STPG2: variants seen among roughly 807,000 people sequenced by gnomAD.
STPG2 encodes the protein sperm tail PG-rich repeat containing 2.
A neutral mutation model predicts 54.2 loss-of-function variants in STPG2; 56 were observed. That is an observed-to-expected ratio of 1.03 (90% CI 0.83 to 1.29). The LOEUF (loss-of-function observed/expected upper bound fraction) is 1.29. STPG2 is among the 50% of genes most tolerant of loss of function. The pLI, the probability that STPG2 is intolerant of heterozygous loss-of-function variation, is 0.00. For synonymous variants in STPG2, 200 were observed against 181.8 expected, an observed-to-expected ratio of 1.10 and a Z score of -0.81; for missense variants, 596 against 544.9, an observed-to-expected ratio of 1.09 and a Z score of -0.93.
intron 10 of STPG2, among the ~76,000 whole-genome samples, chr4:97,638,655 AC>A (rs1309081275): frequency 2.1e-5 from 3 of 142,958 alleles, no homozygotes; most frequent in African/African-American, 8.4e-5. Flanking sequence ...CAAGAAAAAA[AC>A]AAACAACCCC....
chr4:97,817,295 A>T (rs904351648), intron 9 of STPG2, among the ~76,000 whole-genome samples: 1 of 151,362 alleles, frequency 6.6e-6, no homozygotes, highest in African/African-American at 2.4e-5. Flanking sequence ...TCCTACTGGC[A>T]CTATGAACTA....
intron 10 of STPG2, among the ~76,000 whole-genome samples, chr4:97,562,157 G>T (rs1242456179): frequency 2.0e-5 from 3 of 151,962 alleles, no homozygotes; most frequent in Admixed American, 2.0e-4. Context: ...GGTCCTTCAC[G>T]TCCCTCGTAA....
intron 5 of STPG2, among the ~76,000 whole-genome samples, chr4:97,987,474 A>G (rs997785446): frequency 2.6e-5 from 4 of 152,190 alleles, no homozygotes; most frequent in African/African-American, 9.7e-5. Flanking sequence ...TTTTAACTAG[A>G]TACTTTATAA....
intron 5 of STPG2, among the ~76,000 whole-genome samples, chr4:98,071,438 C>A (rs1473048749): frequency 2.0e-5 from 3 of 148,782 alleles, no homozygotes; most frequent in Non-Finnish European, 4.5e-5. Context: ...TAAAGATTTA[C>A]ATGAAAACCC....
At chr4:97,709,888 A>T (rs182919939) in intron 10 of STPG2, among the ~76,000 whole-genome samples, 2 of 151,952 alleles carry the variant, frequency 1.3e-5, no homozygotes, top group African/African-American at 4.8e-5. Flanking sequence ...TTATGTCTAG[A>T]TAAAAATTAG....
At chr4:97,613,475 CGTGTGT>C (rs70953075) in intron 10 of STPG2, among the ~76,000 whole-genome samples, 7,877 of 142,272 alleles carry the variant, frequency 0.055, 297 homozygotes, top group East Asian at 0.13. Context: ...AGTCATCACC[CGTGTGT>C]GTGTGTGTGT....
At chr4:97,605,931 G>A (rs1733581497) in intron 10 of STPG2, among the ~76,000 whole-genome samples, 1 of 151,764 alleles carries the variant, frequency 6.6e-6, no homozygotes, top group Non-Finnish European at 1.5e-5. Flanking sequence ...CAAAGCCATG[G>A]CAATTTAATT....
chr4:97,870,615 T>C (rs1298968177), intron 8 of STPG2, among the ~76,000 whole-genome samples: 1 of 151,388 alleles, frequency 6.6e-6, no homozygotes, highest in African/African-American at 2.4e-5. Flanking sequence ...CAATCTACTA[T>C]GAAGATATAA....
chr4:97,602,936 C>G (rs1733501808), intron 10 of STPG2, among the ~76,000 whole-genome samples: 1 of 151,658 alleles, frequency 6.6e-6, no homozygotes, highest in South Asian at 2.1e-4. Context: ...CAATGTAGTT[C>G]TGTTACATTT....
chr4:98,027,295 G>A (rs1176891993), intron 5 of STPG2, among the ~76,000 whole-genome samples: 1 of 152,068 alleles, frequency 6.6e-6, no homozygotes, highest in African/African-American at 2.4e-5. Flanking sequence ...TCGTTAGGGG[G>A]ATATAATTCT....
chr4:97,821,235 G>A (rs1360579544), intron 9 of STPG2, among the ~76,000 whole-genome samples: 3 of 152,128 alleles, frequency 2.0e-5, no homozygotes, highest in Non-Finnish European at 4.4e-5. Flanking sequence ...ACACAAGTCT[G>A]AAGCCCAGCA....
chr4:97,587,158 A>C (rs1733021779), intron 10 of STPG2, among the ~76,000 whole-genome samples: 1 of 151,988 alleles, frequency 6.6e-6, no homozygotes, highest in Non-Finnish European at 1.5e-5. Flanking sequence ...GTGTTTAATA[A>C]ATATTTAGTA....
At chr4:97,951,744 T>C (rs552384921) in intron 7 of STPG2, among the ~76,000 whole-genome samples, 2 of 152,288 alleles carry the variant, frequency 1.3e-5, no homozygotes, top group South Asian at 4.1e-4. Context: ...CCCCATGATG[T>C]GTGCTTTTAA....
At chr4:97,672,119 A>T (rs548185470) in intron 10 of STPG2, among the ~76,000 whole-genome samples, 1 of 151,834 alleles carries the variant, frequency 6.6e-6, no homozygotes, top group Non-Finnish European at 1.5e-5. Context: ...TTTACATGGT[A>T]AAAAACTGTC....
chr4:97,825,467 A>G (rs1439462524), intron 9 of STPG2, among the ~76,000 whole-genome samples: 1 of 152,134 alleles, frequency 6.6e-6, no homozygotes, highest in Admixed American at 6.6e-5. Context: ...CTACTGAGAG[A>G]TAAGACTCCT....
At chr4:97,954,793 GT>G (rs1337153545) in intron 7 of STPG2, among the ~76,000 whole-genome samples, 2 of 152,094 alleles carry the variant, frequency 1.3e-5, no homozygotes, top group Non-Finnish European at 2.9e-5. Context: ...TCTTTACAAT[GT>G]TTTATATGCA....
chr4:97,763,491 A>G (rs1265024733), intron 9 of STPG2, among the ~76,000 whole-genome samples: 1 of 152,244 alleles, frequency 6.6e-6, no homozygotes, highest in African/African-American at 2.4e-5. Context: ...GGATTTCAGC[A>G]CAAATTTCTA....
chr4:97,907,527 C>T (rs1731485010), intron 8 of STPG2, among the ~76,000 whole-genome samples: 1 of 151,936 alleles, frequency 6.6e-6, no homozygotes, highest in Non-Finnish European at 1.5e-5. Context: ...CTTTAAAGTT[C>T]ATATGGAACC....
chr4:97,928,961 G>T (rs1273531396), intron 8 of STPG2, among the ~76,000 whole-genome samples: 1 of 151,958 alleles, frequency 6.6e-6, no homozygotes, highest in Non-Finnish European at 1.5e-5. Context: ...GAGATCTGCT[G>T]TACAGATATT....
Sources: gnomAD v4.1 joint callset for allele counts (sites outside exome capture counted in the v4.1 genomes callset) on GRCh38, gnomAD v4.1.1 for gene constraint, MANE v1.5 for transcripts, NCBI Gene and HGNC (gene_info 2026-07-23, HGNC 2026-07-21) for gene names.